ZBTB43: variants seen among roughly 807,000 people sequenced by gnomAD.
ZBTB43 encodes the protein zinc finger and BTB domain containing 43, also known as zinc finger and BTB domain-containing protein 43.
ZBTB43 carries 6 observed loss-of-function variants against 31.1 expected under a neutral mutation model. That is an observed-to-expected ratio of 0.19 (90% CI 0.11 to 0.38). The LOEUF (loss-of-function observed/expected upper bound fraction) is 0.38. Among genes scored for constraint, ZBTB43 ranks in the 10% least tolerant of loss-of-function variants. The pLI is 1.00. For synonymous variants in ZBTB43, 212 were observed against 221.7 expected (o/e 0.96, Z 0.39); for missense variants, 379 against 602.1 (o/e 0.63, Z 3.88).
At chr9:126,814,358 A>G (rs1269974109) in intron 2 of ZBTB43, among the ~76,000 whole-genome samples, 1 of 127,858 alleles carries the variant, frequency 7.8e-6, no homozygotes, top group Non-Finnish European at 1.7e-5. Context: ...AATTTTACAG[A>G]TGAAATTTAC....
rs537928751 is a variant in ZBTB43, at chr9:126,811,751, G to A, written c.-24+2836G>A. On this transcript the variant is annotated intron_variant, in intron 2 of 2. Transcript: ENST00000373464. ...AGTGATTCTTCTGCCTCAGCCTCCC[G>A]AGTAGCTGGGACTACAGGCACCCAC... is the stretch of plus-strand genomic sequence containing the variant. Among the ~76,000 whole-genome samples, 53 of 152,018 alleles carry A rather than the reference G, an allele frequency of 3.5e-4. 3 individuals carry two copies. The South Asian group carries it at 1.0e-2, about 29-fold the overall frequency.
intron 2 of ZBTB43, among the ~76,000 whole-genome samples, chr9:126,826,284 T>A (rs542066389): frequency 6.7e-6 from 1 of 150,128 alleles, no homozygotes; most frequent in Non-Finnish European, 1.5e-5. Flanking sequence ...AGTGCTGGGA[T>A]TACAGGCATG....
At chr9:126,829,832 T>C (rs980059723) in intron 2 of ZBTB43, among the ~76,000 whole-genome samples, 1 of 152,234 alleles carries the variant, frequency 6.6e-6, no homozygotes, top group Non-Finnish European at 1.5e-5. Context: ...AGATGTAGTT[T>C]CCAGAATTTA....
intron 2 of ZBTB43, among the ~76,000 whole-genome samples, chr9:126,825,997 A>C (rs2032625171): frequency 6.9e-6 from 1 of 145,406 alleles, no homozygotes; most frequent in Non-Finnish European, 1.5e-5. Context: ...CAGGCTCATG[A>C]CACCATGCCC....
intron 2 of ZBTB43, among the ~76,000 whole-genome samples, chr9:126,826,454 C>CTTTT (rs35094731): frequency 0.016 from 836 of 53,594 alleles, 261 homozygotes; most frequent in Non-Finnish European, 0.022. Flanking sequence ...GCCCCCCCGC[C>CTTTT]TTTTTTTTTT....
Position 126,811,367 on chromosome 9 carries a change from A to G in ZBTB43, c.-24+2452A>G, listed in dbSNP as rs544838005. Among the ~76,000 whole-genome samples the G allele has an allele frequency of 2.0e-5, 3 of 152,128 alleles. No homozygotes were observed. In the East Asian group the frequency reaches 5.8e-4, roughly 29 times the overall value. ...CTTAAGTTGCTTAGCTTTTTTGTCT[A>G]TCTCCAATTCTGTACAATGGAAGTA... On this transcript the variant is annotated intron_variant, in intron 2 of 2. Transcript: ENST00000373464.
chr9:126,835,786 T>C lies in ZBTB43; in HGVS notation c.*1873T>C, dbSNP rs1263788710. The C allele has an allele frequency of 6.0e-6, 1 of 166,654 alleles. No homozygotes were observed. Among genetic ancestry groups the C allele is most frequent in the Non-Finnish European group, 1.5e-5 (1 of 68,116 alleles). 10.3% of individuals were successfully genotyped at this position (166,654 alleles called of 1,614,324 possible). On this transcript the variant is annotated 3_prime_UTR_variant, in exon 3 of 3. Transcript: ENST00000373464. ...ACCTCTTGGTTGTTTGCCACATTAA[T>C]AGCTTCTCTTAGTATTGAAACGTTA...
intron 2 of ZBTB43, among the ~76,000 whole-genome samples, chr9:126,828,326 G>A (rs2032689101): frequency 6.6e-6 from 1 of 151,666 alleles, no homozygotes; most frequent in Non-Finnish European, 1.5e-5. Context: ...TGGGACTACA[G>A]GCACCCACCA....
rs148581694 is a variant in ZBTB43 at position 126,807,897 on chromosome 9, A to C, written c.-146-896A>C. ...ATGATCCACCTGCCTTGGCCTCCCA[A>C]AGTGCTGGGATTAACAAGTGTGAGC... On this transcript the variant is annotated intron_variant, in intron 1 of 2. Coordinates refer to ENST00000373464, the MANE Select transcript of ZBTB43 (RefSeq NM_014007.4). 1.2e-3 allele frequency among the ~76,000 whole-genome samples: 177 copies of C among 152,288 alleles called. 2 individuals carry two copies. Among genetic ancestry groups the C allele is most frequent in the African/African-American group, 3.5e-3 (146 of 41,560 alleles).
intron 1 of ZBTB43, among the ~76,000 whole-genome samples, chr9:126,805,754 T>C (rs1402988356): frequency 6.6e-6 from 1 of 152,240 alleles, no homozygotes; most frequent in Non-Finnish European, 1.5e-5. Flanking sequence ...TCTCTGCCAC[T>C]CAGCCCTTAC....
At position 126,832,860 on chromosome 9, in the gene ZBTB43, C is replaced by T; in HGVS notation, c.351C>T (p.Asp117=). Residue 117 remains aspartate (D), a synonymous_variant, in exon 3 of 3, where the codon GAC becomes GAT. Transcript: ENST00000373464. The part of the protein sequence containing the change: ...ASFLQMWHVV[D]KCTEVLEGNP... Reference sequence around the variant, plus strand: ...TCCTCCAGATGTGGCATGTGGTAGACAAATGCACTGAAGTTTTAGAGGGAA... The same window carrying T: ...TCCTCCAGATGTGGCATGTGGTAGATAAATGCACTGAAGTTTTAGAGGGAA... 6.2e-7 allele frequency: 1 copy of T among 1,614,038 alleles called. No homozygotes were observed. The highest frequency in any genetic ancestry group is 8.5e-7 in the Non-Finnish European group (1 of 1,180,012).
intron 2 of ZBTB43, among the ~76,000 whole-genome samples, chr9:126,822,504 A>G (rs2119142921): frequency 6.6e-6 from 1 of 152,298 alleles, no homozygotes; most frequent in Non-Finnish European, 1.5e-5. Context: ...GCACTTTGGC[A>G]GGCTGAGGCA....
rs780632905 is a variant in ZBTB43, at chr9:126,817,100, C to CTTT, written c.-24+8211_-24+8213dup. Among the ~76,000 whole-genome samples, 215 of 55,362 alleles carry CTTT rather than the reference C, an allele frequency of 3.9e-3. 32 individuals carry two copies. The highest frequency in any genetic ancestry group is 0.014 in the African/African-American group (197 of 14,124). 36.3% of individuals were successfully genotyped at this position (55,362 alleles called of 152,430 possible). ...CAACTTGGCCCCATTTCCACTGTAT[C>CTTT]TTTTTTTTTTTTTTTTTTTTTTTTT... is the stretch of plus-strand genomic sequence containing the variant. On this transcript the variant is annotated intron_variant, in intron 2 of 2. Transcript: ENST00000373464.
In ZBTB43 at chr9:126,833,667, G is replaced by A. The variant is rs1417006574; in HGVS notation, c.1158G>A (p.Gln386=). 3 of 1,612,270 alleles carry A rather than the reference G, an allele frequency of 1.9e-6. No homozygotes were observed. The highest frequency in any genetic ancestry group is 2.5e-6 in the Non-Finnish European group (3 of 1,178,370). The change falls in exon 3 of 3, where the codon CAG becomes CAA. Residue 386 remains glutamine (Q), a synonymous_variant. Transcript: ENST00000373464. This position sits in a 1 kb window ranked among gnomAD's most constrained non-coding sequence, Gnocchi z 7.9. The part of the protein sequence containing the change: ...QCGKSFTHKS[Q]RDRHMSMHLG... ...GGAAAAGTTTCACTCACAAGAGTCA[G>A]AGAGATCGGCACATGAGCATGCACC...
rs559809600 is a variant in ZBTB43 at position 126,837,380 on chromosome 9, G to A, written c.*3467G>A. Reference sequence around the variant, plus strand: ...TAGTGGGCATTTGCTGAACTAACCTGCCCCTAAGGCTGGCTTCTAACCACC... The same window carrying A: ...TAGTGGGCATTTGCTGAACTAACCTACCCCTAAGGCTGGCTTCTAACCACC... On this transcript the variant is annotated 3_prime_UTR_variant, in exon 3 of 3. Coordinates refer to ENST00000373464, the MANE Select transcript of ZBTB43 (RefSeq NM_014007.4). 292 of 167,230 alleles carry A rather than the reference G, an allele frequency of 1.7e-3. 2 individuals carry two copies. Among genetic ancestry groups the A allele is most frequent in the African/African-American group, 6.8e-3 (284 of 41,578 alleles). 10.4% of individuals were successfully genotyped at this position (167,230 alleles called of 1,614,324 possible).
chr9:126,810,079 C>T (rs746357050), intron 2 of ZBTB43, among the ~76,000 whole-genome samples: 2 of 152,148 alleles, frequency 1.3e-5, no homozygotes, highest in African/African-American at 2.4e-5. Context: ...TTGTGATCCA[C>T]GGGCCTCAGC....
rs764590854 is a variant in ZBTB43, at chr9:126,833,926, G to A, written c.*13G>A. ...TGAGGCTAACTAAAAATAGGATCTG[G>A]CCCTTGAGTGGCATGCACAAAAATA... is the stretch of plus-strand genomic sequence containing the variant. On this transcript the variant is annotated 3_prime_UTR_variant, in exon 3 of 3. Transcript: ENST00000373464. This position sits in a 1 kb window ranked among gnomAD's most constrained non-coding sequence, Gnocchi z 7.9. The A allele has an allele frequency of 6.4e-7, 1 of 1,558,810 alleles. No homozygotes were observed.
At chr9:126,816,055 A>T (rs2032378436) in intron 2 of ZBTB43, among the ~76,000 whole-genome samples, 1 of 152,128 alleles carries the variant, frequency 6.6e-6, no homozygotes, top group Admixed American at 6.5e-5. Context: ...CCCACTACTG[A>T]GGTAAGGCTT....
intron 1 of ZBTB43, among the ~76,000 whole-genome samples, chr9:126,805,871 C>T (rs1436890484): frequency 6.6e-6 from 1 of 151,632 alleles, no homozygotes; most frequent in African/African-American, 2.4e-5. Context: ...TTGGGTGGGG[C>T]AGGGCTGCCC....
Sources: gnomAD v4.1 joint callset for allele counts (sites outside exome capture counted in the v4.1 genomes callset) on GRCh38, gnomAD v4.1.1 for gene constraint, Gnocchi (gnomAD v3.1) non-coding constraint, MANE v1.5 for transcripts, NCBI Gene and HGNC (gene_info 2026-07-23, HGNC 2026-07-21) for gene names.